The following PITPNC1 variants were observed in gnomAD, a reference collection of about 807,000 sequenced individuals.
PITPNC1 encodes cytoplasmic phosphatidylinositol transfer protein 1.
Under a neutral mutation model 44.7 loss-of-function variants are expected in PITPNC1, and 18 were observed. That is an observed-to-expected ratio of 0.40 (90% CI 0.28 to 0.60). PITPNC1 has a LOEUF of 0.60. Among genes scored for constraint, PITPNC1 ranks in the 20% least tolerant of loss-of-function variants. The pLI, the probability that PITPNC1 is intolerant of heterozygous loss-of-function variation, is 0.39. For synonymous variants in PITPNC1, 141 were observed against 149.6 expected (o/e 0.94, Z 0.42); for missense variants, 290 against 418.4 (o/e 0.69, Z 2.68).
At chr17:67,581,499 C>T (rs1415267668) in intron 5 of PITPNC1, among the ~76,000 whole-genome samples, 1 of 152,208 alleles carries the variant, frequency 6.6e-6, no homozygotes. Context: ...AAGCCCCAGT[C>T]CTGCCATCTT....
chr17:67,380,742 A>C (rs1385123388), intron 1 of PITPNC1, among the ~76,000 whole-genome samples: 1 of 151,892 alleles, frequency 6.6e-6, no homozygotes, highest in East Asian at 1.9e-4. Flanking sequence ...GTTTCTTTAA[A>C]TAAGATGTTT....
At chr17:67,427,325 T>A (rs998340604) in intron 1 of PITPNC1, among the ~76,000 whole-genome samples, 2 of 152,048 alleles carry the variant, frequency 1.3e-5, no homozygotes, top group Non-Finnish European at 1.5e-5. Flanking sequence ...ATTCTCCTGC[T>A]TCAGCCTCCC....
chr17:67,696,096 G>A lies in PITPNC1; in HGVS notation c.*3208G>A, dbSNP rs1480429983. 6.6e-6 allele frequency: 1 copy of A among 152,052 alleles called. No homozygotes were observed. Among genetic ancestry groups the A allele is most frequent in the Non-Finnish European group, 1.5e-5 (1 of 68,026 alleles). The allele number at this position is 152,052 out of a possible 1,614,324, so 9.4% of individuals were successfully genotyped here. A position where few individuals can be genotyped will look rare whatever the true frequency, so the allele number is the denominator to read the frequency against. ...GTTACGGTTTTGCATCTGTGTGTGA[G>A]GAAAATTTTAATTTATTTGGAAGTA... is the stretch of plus-strand genomic sequence containing the variant. On this transcript the variant is annotated 3_prime_UTR_variant, in exon 9 of 9. Transcript: ENST00000581322.
chr17:67,648,435 C>T (rs2042175181), intron 6 of PITPNC1, among the ~76,000 whole-genome samples: 1 of 152,230 alleles, frequency 6.6e-6, no homozygotes, highest in African/African-American at 2.4e-5. Context: ...GAGCTGGGTT[C>T]TTGGCCTCTC....
intron 1 of PITPNC1, among the ~76,000 whole-genome samples, chr17:67,532,123 C>A (rs2040470054): frequency 6.6e-6 from 1 of 152,208 alleles, no homozygotes; most frequent in South Asian, 2.1e-4. Context: ...AGGCTCCACA[C>A]TCTTCATGGA....
chr17:67,513,636 G>A (rs1335791699), intron 1 of PITPNC1, among the ~76,000 whole-genome samples: 1 of 151,864 alleles, frequency 6.6e-6, no homozygotes, highest in Admixed American at 6.6e-5. Flanking sequence ...GTCACTAAGG[G>A]CATAGGAAGA....
chr17:67,382,927 A>T (rs2037985744), intron 1 of PITPNC1, among the ~76,000 whole-genome samples: 1 of 151,728 alleles, frequency 6.6e-6, no homozygotes, highest in South Asian at 2.1e-4. Flanking sequence ...CCCCCGGATG[A>T]TTCTAGAGTT....
intron 1 of PITPNC1, among the ~76,000 whole-genome samples, chr17:67,464,536 G>A (rs963974396): frequency 1.3e-5 from 2 of 152,074 alleles, no homozygotes; most frequent in Admixed American, 6.6e-5. Context: ...AAGGAAGAAT[G>A]GTAAATTGGA....
At chr17:67,419,695 C>G (rs1555649171) in intron 1 of PITPNC1, among the ~76,000 whole-genome samples, 1 of 152,228 alleles carries the variant, frequency 6.6e-6, no homozygotes, top group Non-Finnish European at 1.5e-5. Context: ...AACTTGAGGT[C>G]AGGAGTTCGA....
At chr17:67,516,239 C>A (rs149556711) in intron 1 of PITPNC1, among the ~76,000 whole-genome samples, 40 of 152,318 alleles carry the variant, frequency 2.6e-4, no homozygotes, top group African/African-American at 9.1e-4. Flanking sequence ...ATCCACCTAG[C>A]CTTTTTATCT....
intron 1 of PITPNC1, among the ~76,000 whole-genome samples, chr17:67,402,057 C>A (rs560112636): frequency 6.6e-6 from 1 of 152,224 alleles, no homozygotes; most frequent in African/African-American, 2.4e-5. Flanking sequence ...TGCAAACCGC[C>A]AGATAGCAAT....
intron 2 of PITPNC1, 83 bp downstream of exon 2, chr17:67,533,033 G>A: frequency 9.6e-7 from 1 of 1,037,788 alleles, no homozygotes; most frequent in East Asian, 2.5e-5. Flanking sequence ...GTGGGTGTCT[G>A]GGATGAAAAG....
rs1007987447 is a variant in PITPNC1 at position 67,660,518 on chromosome 17, T to TTTTATTTATTTA, written c.463-8978_463-8967dup. Reference sequence around the variant, plus strand: ...ATCATATATATTTTATTTTATTTTATTTTATTTATTTATTTATTTATTTGT... The same window carrying TTTTATTTATTTA: ...ATCATATATATTTTATTTTATTTTATTTTATTTATTTATTTATTTATTTATTTATTTATTTGT... On this transcript the variant is annotated intron_variant, in intron 6 of 8. Coordinates refer to ENST00000581322, the MANE Select transcript of PITPNC1 (RefSeq NM_012417.4). Among the ~76,000 whole-genome samples the TTTTATTTATTTA allele has an allele frequency of 9.2e-3, 1,284 of 139,402 alleles. 16 individuals carry two copies. The highest frequency in any genetic ancestry group is 0.027 in the East Asian group (130 of 4,760). 91.5% of individuals were successfully genotyped at this position (139,402 alleles called of 152,430 possible). A position where few individuals can be genotyped will look rare whatever the true frequency, so the allele number is the denominator to read the frequency against.
intron 1 of PITPNC1, among the ~76,000 whole-genome samples, chr17:67,433,184 A>G (rs891209773): frequency 6.6e-6 from 1 of 152,154 alleles, no homozygotes; most frequent in African/African-American, 2.4e-5. Context: ...TGCTTTCTAT[A>G]GTTTTCCTGT....
chr17:67,586,299 A>G (rs548477445), intron 5 of PITPNC1, among the ~76,000 whole-genome samples: 1 of 152,212 alleles, frequency 6.6e-6, no homozygotes, highest in East Asian at 1.9e-4. Flanking sequence ...TTAAATTTAT[A>G]CTAAAGTTGG....
At chr17:67,572,068 T>C (rs1018587618) in intron 4 of PITPNC1, among the ~76,000 whole-genome samples, 1 of 152,234 alleles carries the variant, frequency 6.6e-6, no homozygotes, top group African/African-American at 2.4e-5. Flanking sequence ...TCCAAATGAC[T>C]GTTCCTTAGA....
rs144232867 is a variant in PITPNC1, at chr17:67,665,927, G to A, written c.463-3581G>A. On this transcript the variant is annotated intron_variant, in intron 6 of 8. Coordinates refer to ENST00000581322, the MANE Select transcript of PITPNC1 (RefSeq NM_012417.4). The stretch of plus-strand genomic sequence containing the variant: ...ACAATCTCGGCTCACTGCAACCTCC[G>A]TTTCCTGGATTCAAGCGCTTCTCTT... 3.0e-3 allele frequency among the ~76,000 whole-genome samples: 456 copies of A among 150,832 alleles called. 1 individual carries two copies. Among genetic ancestry groups the A allele is most frequent in the African/African-American group, 9.8e-3 (403 of 40,978 alleles).
intron 8 of PITPNC1, chr17:67,687,189 G>C (rs778738692): frequency 6.8e-7 from 1 of 1,477,786 alleles, no homozygotes; most frequent in Admixed American, 1.7e-5. Flanking sequence ...ACAAGTGTAC[G>C]TAGAATTTTT....
intron 1 of PITPNC1, among the ~76,000 whole-genome samples, chr17:67,489,181 G>T (rs769933699): frequency 1.3e-5 from 2 of 151,172 alleles, no homozygotes; most frequent in Admixed American, 6.6e-5. Context: ...TTGAGAACTT[G>T]GGAGAGCCAC....
Sources: allele counts gnomAD v4.1 joint callset (sites outside exome capture counted in the v4.1 genomes callset), GRCh38; gene constraint gnomAD v4.1.1; transcripts MANE v1.5; gene names NCBI Gene and HGNC (gene_info 2026-07-23, HGNC 2026-07-21).